The following MED16 variants were observed in gnomAD, a reference collection of about 807,000 sequenced individuals.
MED16 encodes mediator of RNA polymerase II transcription subunit 16.
A neutral mutation model predicts 84.4 loss-of-function variants in MED16; 81 were observed. The ratio of observed to expected loss-of-function variants is 0.96; its 90% CI spans 0.80 to 1.15. The LOEUF (loss-of-function observed/expected upper bound fraction) is 1.15, where lower values mean the gene tolerates loss of function less well. Ranked by LOEUF, MED16 falls within the 50% of genes most tolerant of loss-of-function variation. MED16 has a pLI of 0.00. For synonymous variants in MED16, 897 were observed against 552.2 expected (o/e 1.62, Z -8.76); for missense variants, 1,585 against 1,245.9 (o/e 1.27, Z -4.10).
At chr19:874,801 C>T (rs968128889) in intron 10 of MED16, among the ~76,000 whole-genome samples, 12 of 150,738 alleles carry the variant, frequency 8.0e-5, no homozygotes, top group Non-Finnish European at 1.5e-5. Flanking sequence ...GCCCAGAAGG[C>T]AGAGGCTGCG....
intron 7 of MED16, among the ~76,000 whole-genome samples, chr19:881,075 G>T (rs1406842317): frequency 6.6e-6 from 1 of 151,694 alleles, no homozygotes; most frequent in African/African-American, 2.4e-5. Context: ...TCTTTCCAGG[G>T]AACCAGGGAA....
At chr19:889,327 A>G (rs2036586583) in intron 4 of MED16, among the ~76,000 whole-genome samples, 1 of 152,122 alleles carries the variant, frequency 6.6e-6, no homozygotes, top group Non-Finnish European at 1.5e-5. Flanking sequence ...GCAGCTACCT[A>G]AGGACAGTAG....
At position 891,040 on chromosome 19, in the gene MED16, G is replaced by A. The variant is rs1568334597; in HGVS notation, c.92C>T (p.Pro31Leu). 2 of 1,614,114 alleles carry A rather than the reference G, an allele frequency of 1.2e-6. No individual in the cohort carries two copies. The highest frequency in any genetic ancestry group is 8.5e-7 in the Non-Finnish European group (1 of 1,180,010). The change falls in exon 2 of 16, where the codon CCA becomes CTA. Residue 31 changes from proline (P) to leucine (L), a missense_variant. Pro to Leu is a moderately conservative substitution (Grantham distance 98, BLOSUM62 -3). Coordinates refer to ENST00000325464, the MANE Select transcript of MED16 (RefSeq NM_005481.3). ...CCAGGCGCAGGCCAGGGGCACCGAT[G>A]GGCAGTGGGTGCTCTTGGACCATTT... ...WEKWSKSTHC[P>L]SVPLACAWSC...
chr19:868,087 T>A lies in MED16; in HGVS notation c.*14A>T. The A allele has an allele frequency of 6.3e-7, 1 of 1,597,758 alleles. No homozygotes were observed. The highest frequency in any genetic ancestry group is 1.1e-5 in the South Asian group (1 of 89,442). On this transcript the variant is annotated 3_prime_UTR_variant, in exon 16 of 16. Transcript: ENST00000325464. Reference sequence around the variant, plus strand: ...GAGCCGGGTCACCACAAGGTCCGCCTGGACCCCCGGCCGTCACGGACGGTC... The same window carrying A: ...GAGCCGGGTCACCACAAGGTCCGCCAGGACCCCCGGCCGTCACGGACGGTC...
rs761128908 is a variant in MED16 at position 868,064 on chromosome 19, G to A, written c.*37C>T. ...GCAAGGAAACCGAGGAGACGCCCGA[G>A]CCGGGTCACCACAAGGTCCGCCTGG... On this transcript the variant is annotated 3_prime_UTR_variant, in exon 16 of 16. Coordinates refer to ENST00000325464, the MANE Select transcript of MED16 (RefSeq NM_005481.3). 1.9e-6 allele frequency: 3 copies of A among 1,568,852 alleles called. No individual in the cohort carries two copies. Among genetic ancestry groups the A allele is most frequent in the South Asian group, 1.2e-5 (1 of 85,340 alleles).
Position 891,020 on chromosome 19 carries a change from C to A in MED16, c.112G>T (p.Ala38Ser). The change falls in exon 2 of 16, where the codon GCC becomes TCC. Residue 38 changes from alanine (A) to serine (S), a missense_variant. By Grantham distance (99) the Ala-to-Ser change is moderately conservative. Coordinates refer to ENST00000325464, the MANE Select transcript of MED16 (RefSeq NM_005481.3). ...THCPSVPLAC[A>S]WSCRNLIAFT... is the part of the protein sequence containing the mutation. ...GCGATGAGATTTCGGCAGGACCAGGCGCAGGCCAGGGGCACCGATGGGCAG... is the reference window on the plus strand; with the variant it reads ...GCGATGAGATTTCGGCAGGACCAGGAGCAGGCCAGGGGCACCGATGGGCAG... The A allele has an allele frequency of 6.2e-7, 1 of 1,614,082 alleles. No individual in the cohort carries two copies. The highest frequency in any genetic ancestry group is 8.5e-7 in the Non-Finnish European group (1 of 1,180,014).
intron 14 of MED16, 88 bp downstream of exon 14, chr19:868,775 C>T (rs921320510): frequency 3.9e-5 from 54 of 1,380,260 alleles, no homozygotes; most frequent in African/African-American, 5.8e-5. Flanking sequence ...CACCCTTGAC[C>T]GTCTGGAGCG....
At chr19:876,793 C>G (rs1279063065) in intron 9 of MED16, among the ~76,000 whole-genome samples, 181 bp downstream of exon 9, 3 of 152,152 alleles carry the variant, frequency 2.0e-5, no homozygotes, top group Non-Finnish European at 2.9e-5. Flanking sequence ...AGGGAACTCC[C>G]TCCCTGCTGC....
At chr19:888,931 G>C (rs2036577087) in intron 4 of MED16, among the ~76,000 whole-genome samples, 1 of 152,172 alleles carries the variant, frequency 6.6e-6, no homozygotes, top group Admixed American at 6.5e-5. Flanking sequence ...TGGCTGTGAG[G>C]CCTTTGCCAC....
intron 9 of MED16, among the ~76,000 whole-genome samples, chr19:876,530 G>A (rs911740131): frequency 6.6e-5 from 10 of 152,082 alleles, no homozygotes; most frequent in African/African-American, 2.4e-4. Context: ...CTTACCTGTG[G>A]GGCTTAACGT....
chr19:883,369 G>GGGGTGGTGGGTGAAGAGCTGGGCATGGC (rs2036459372), intron 6 of MED16, among the ~76,000 whole-genome samples: 2 of 145,452 alleles, frequency 1.4e-5, no homozygotes, highest in African/African-American at 2.6e-5. Context: ...GTGGGCACGT[G>GGGGTGGTGGGTGAAGAGCTGGGCATGGC]GGGTGGTGGG....
intron 9 of MED16, among the ~76,000 whole-genome samples, chr19:876,082 C>T (rs2036222372): frequency 6.6e-6 from 1 of 152,184 alleles, no homozygotes; most frequent in African/African-American, 2.4e-5. Flanking sequence ...GGTTTAGCCT[C>T]GCAGCCCCCG....
chr19:877,264 G>C, intron 8 of MED16, 84 bp from the exon 9 acceptor site: 1 of 1,352,552 alleles, frequency 7.4e-7, no homozygotes, highest in South Asian at 1.3e-5. Context: ...TGGGGCTGCG[G>C]CACGTGTGTG....
Position 881,552 on chromosome 19 carries a change from A to C in MED16, c.1141+7T>G, listed in dbSNP as rs757743210. On this transcript the variant is annotated splice_region_variant and intron_variant, in intron 7 of 15. Transcript: ENST00000325464. ...GCCCCGCGTGGCTGCCGCTGGCTCC[A>C]CCGTACCGAGGCCAGGGTAGAACTG... The C allele has an allele frequency of 1.1e-5, 18 of 1,606,604 alleles. No homozygotes were observed. Among genetic ancestry groups the C allele is most frequent in the East Asian group, 2.2e-5 (1 of 44,708 alleles).
intron 8 of MED16, among the ~76,000 whole-genome samples, chr19:878,519 C>A: frequency 1.4e-5 from 2 of 145,640 alleles, no homozygotes; most frequent in East Asian, 2.2e-4. Flanking sequence ...CCCACGTGCC[C>A]CAGCAGCTCA....
chr19:873,379 A>T (rs1224131485), intron 11 of MED16, 70 bp downstream of exon 11: 2 of 1,361,246 alleles, frequency 1.5e-6, no homozygotes, highest in African/African-American at 2.5e-5. Context: ...GGGCAGGGGC[A>T]GGGAAGCGGG....
At chr19:885,350 A>C (rs1448082638) in intron 5 of MED16, among the ~76,000 whole-genome samples, 1 of 152,126 alleles carries the variant, frequency 6.6e-6, no homozygotes, top group Non-Finnish European at 1.5e-5. Flanking sequence ...TGGCCCCCAG[A>C]ACATCCCATC....
chr19:874,089 A>C (rs1423013341), intron 10 of MED16, among the ~76,000 whole-genome samples: 1 of 152,100 alleles, frequency 6.6e-6, no homozygotes, highest in Non-Finnish European at 1.5e-5. Flanking sequence ...GTCCACACTC[A>C]ACCGGGTACT....
At chr19:888,055 G>A (rs1293126411) in intron 4 of MED16, among the ~76,000 whole-genome samples, 1 of 151,042 alleles carries the variant, frequency 6.6e-6, no homozygotes, top group East Asian at 2.0e-4. Flanking sequence ...ATACAAAAAA[G>A]CAGCCGGGCG....
Sources: allele counts gnomAD v4.1 joint callset (sites outside exome capture counted in the v4.1 genomes callset), GRCh38; gene constraint gnomAD v4.1.1; transcripts MANE v1.5; gene names NCBI Gene and HGNC (gene_info 2026-07-23, HGNC 2026-07-21).